SCAI: variants seen among roughly 807,000 people sequenced by gnomAD.
SCAI encodes the protein suppressor of cancer cell invasion, also known as protein SCAI.
In SCAI, 24 loss-of-function variants were observed where a neutral mutation model predicts 92.2. The observed-to-expected ratio is 0.26, with a 90% CI of 0.19 to 0.37. The LOEUF (loss-of-function observed/expected upper bound fraction) is 0.37, where lower values mean the gene tolerates loss of function less well. Among genes scored for constraint, SCAI ranks in the 10% least tolerant of loss-of-function variants. The pLI, the probability that SCAI is intolerant of heterozygous loss-of-function variation, is 1.00. For missense variants in SCAI, 450 were observed against 736.2 expected (o/e 0.61, Z 4.50); for synonymous variants, 261 against 258.6 (o/e 1.01, Z -0.09).
At chr9:125,112,040 C>G (rs1834940208) in intron 2 of SCAI, among the ~76,000 whole-genome samples, 1 of 152,106 alleles carries the variant, frequency 6.6e-6, no homozygotes, top group South Asian at 2.1e-4. Context: ...TTAGAGGGAA[C>G]AGTGCCTGGA....
chr9:124,980,294 C>T (rs893355785), intron 14 of SCAI, among the ~76,000 whole-genome samples: 2 of 150,076 alleles, frequency 1.3e-5, no homozygotes, highest in Non-Finnish European at 3.0e-5. Flanking sequence ...TCCTTGCTAA[C>T]GAACTTCTCT....
intron 3 of SCAI, among the ~76,000 whole-genome samples, chr9:125,049,312 A>C (rs1392902132): frequency 6.6e-6 from 1 of 152,148 alleles, no homozygotes; most frequent in African/African-American, 2.4e-5. Flanking sequence ...TAGGGATATC[A>C]CTGATAGACA....
chr9:125,122,568 AAC>A (rs1275062306), intron 2 of SCAI, among the ~76,000 whole-genome samples: 1 of 146,024 alleles, frequency 6.8e-6, no homozygotes, highest in Non-Finnish European at 1.5e-5. Context: ...CAGCCTGGGC[AAC>A]AGAGTGAGAC....
At chr9:125,101,340 A>G (rs763904913) in intron 2 of SCAI, among the ~76,000 whole-genome samples, 12 of 152,204 alleles carry the variant, frequency 7.9e-5, no homozygotes, top group Non-Finnish European at 1.3e-4. Flanking sequence ...AGACTGCTCT[A>G]ACAACTCAGG....
rs549091923 is a variant in SCAI at position 124,996,328 on chromosome 9, G to T, written c.1245-1313C>A. On this transcript the variant is annotated intron_variant, in intron 13 of 17. Coordinates refer to ENST00000336505, the MANE Select transcript of SCAI (RefSeq NM_001144877.3). ...TGTTATTGTTGTTGTTTGAGATGGG[G>T]TCTCACTTTGTCACCAAGACTGGAG... 2.0e-5 allele frequency among the ~76,000 whole-genome samples: 3 copies of T among 152,200 alleles called. No homozygotes were observed. In the East Asian group the frequency reaches 5.8e-4, roughly 29 times the overall value.
chr9:125,003,699 T>C (rs4837005), intron 9 of SCAI, 129 bp from the exon 10 acceptor site: 246,098 of 619,286 alleles, frequency 0.4, 50,476 homozygotes, highest in Admixed American at 0.42. Context: ...TTCTCTAATA[T>C]TTCGTTACAG....
intron 3 of SCAI, 78 bp downstream of exon 3, chr9:125,055,798 G>A: frequency 7.8e-7 from 1 of 1,274,518 alleles, no homozygotes; most frequent in Non-Finnish European, 1.1e-6. Flanking sequence ...ATAATTTTCG[G>A]AAACTTACCA....
At chr9:125,046,321 AC>A in intron 3 of SCAI, among the ~76,000 whole-genome samples, 1 of 13,698 alleles carries the variant, frequency 7.3e-5, no homozygotes, top group African/African-American at 1.6e-4. Context: ...ATATATACAC[AC>A]ACACACACAC....
rs778861854 is a variant in SCAI, at chr9:124,971,451, A to G, written c.1593T>C (p.Phe531=). ...SRSIDQAFLQ[F]FGDEFLRLLL... is the part of the protein sequence containing the mutation. ...GCAAGCGAAGAAATTCATCTCCAAA[A>G]AACTGGAGAAATGCCTGATCTGCAA... Residue 531 remains phenylalanine (F), a synonymous_variant, in exon 17 of 18, where the codon TTT becomes TTC. Coordinates refer to ENST00000336505, the MANE Select transcript of SCAI (RefSeq NM_001144877.3). 3 of 1,611,054 alleles carry G rather than the reference A, an allele frequency of 1.9e-6. No individual in the cohort carries two copies. The highest frequency in any genetic ancestry group is 2.2e-5 in the East Asian group (1 of 44,796).
rs1030423947 is a variant in SCAI at position 125,143,203 on chromosome 9, G to A, written c.53+182C>T. ...ACACGCCCCTCTCACCTGGCCTCGAGGAGGCGATCGCGCCCAGCCCGCGCC... is the reference window on the plus strand; with the variant it reads ...ACACGCCCCTCTCACCTGGCCTCGAAGAGGCGATCGCGCCCAGCCCGCGCC... On this transcript the variant is annotated intron_variant, in intron 1 of 17. Coordinates refer to ENST00000336505, the MANE Select transcript of SCAI (RefSeq NM_001144877.3). Among the ~76,000 whole-genome samples, 327 of 151,262 alleles carry A rather than the reference G, an allele frequency of 2.2e-3. 4 individuals carry two copies. Among genetic ancestry groups the A allele is most frequent in the Non-Finnish European group, 3.9e-3 (263 of 67,674 alleles).
At chr9:125,103,341 G>A (rs1007380986) in intron 2 of SCAI, among the ~76,000 whole-genome samples, 1 of 152,038 alleles carries the variant, frequency 6.6e-6, no homozygotes, top group African/African-American at 2.4e-5. Context: ...ATGACTTCCA[G>A]GACTCCAAAT....
At chr9:125,052,878 A>G (rs1833589653) in intron 3 of SCAI, among the ~76,000 whole-genome samples, 1 of 152,158 alleles carries the variant, frequency 6.6e-6, no homozygotes, top group East Asian at 1.9e-4. Flanking sequence ...CCACCAAGAG[A>G]CACCATTTAC....
chr9:124,990,037 G>C (rs1157226460), intron 14 of SCAI, among the ~76,000 whole-genome samples: 5 of 151,500 alleles, frequency 3.3e-5, no homozygotes, highest in Non-Finnish European at 5.9e-5. Context: ...AGCCAGGTGT[G>C]GTGGCGTGCA....
chr9:125,057,216 T>A (rs572633416), intron 2 of SCAI, among the ~76,000 whole-genome samples: 2 of 152,228 alleles, frequency 1.3e-5, no homozygotes, highest in East Asian at 3.9e-4. Context: ...ACAGAAAGGA[T>A]ACAGTTGAAC....
chr9:124,955,403 A>C (rs1185933686), intron 17 of SCAI, among the ~76,000 whole-genome samples: 1 of 151,424 alleles, frequency 6.6e-6, no homozygotes, highest in Non-Finnish European at 1.5e-5. Context: ...TGTCTCAAAA[A>C]TTTAAAATAA....
chr9:124,981,210 A>G (rs1403317860), intron 14 of SCAI, among the ~76,000 whole-genome samples: 3 of 152,206 alleles, frequency 2.0e-5, no homozygotes, highest in Non-Finnish European at 2.9e-5. Context: ...TGTTTGTCCT[A>G]TATCTAACCA....
At chr9:125,109,899 G>C (rs1025520595) in intron 2 of SCAI, among the ~76,000 whole-genome samples, 1 of 152,094 alleles carries the variant, frequency 6.6e-6, no homozygotes, top group Non-Finnish European at 1.5e-5. Context: ...TGATGGCCAG[G>C]CTGGTCTCAA....
chr9:125,129,002 T>C (rs1039774746), intron 2 of SCAI, among the ~76,000 whole-genome samples: 12 of 144,444 alleles, frequency 8.3e-5, no homozygotes, highest in Admixed American at 4.1e-4. Flanking sequence ...GGCGGAGACT[T>C]CAGTGCACCG....
At chr9:124,971,989 AAACT>A in intron 15 of SCAI, 145 bp from the exon 16 acceptor site, 1 of 462,098 alleles carries the variant, frequency 2.2e-6, no homozygotes. Flanking sequence ...ATTCTTCACG[AAACT>A]ACAAAAACTT....
Sources: gnomAD v4.1 joint callset for allele counts (sites outside exome capture counted in the v4.1 genomes callset) on GRCh38, gnomAD v4.1.1 for gene constraint, MANE v1.5 for transcripts, NCBI Gene and HGNC (gene_info 2026-07-23, HGNC 2026-07-21) for gene names.